The following MICAL3 variants were observed in gnomAD, a reference collection of about 807,000 sequenced individuals.
The protein encoded by MICAL3 is microtubule associated monooxygenase, calponin and LIM domain containing 3, also known as [F-actin]-monooxygenase MICAL3.
In MICAL3, 62 loss-of-function variants were observed where a neutral mutation model predicts 207.4. The ratio of observed to expected loss-of-function variants is 0.30; its 90% CI spans 0.24 to 0.37. MICAL3 has a LOEUF of 0.37. Among genes scored for constraint, MICAL3 ranks in the 10% least tolerant of loss-of-function variants. MICAL3 has a pLI of 1.00. For synonymous variants in MICAL3, 1,077 were observed against 1,069.3 expected, an observed-to-expected ratio of 1.01 and a Z score of -0.14; for missense variants, 2,368 against 2,635.6, an observed-to-expected ratio of 0.90 and a Z score of 2.22.
chr22:17,879,024 T>C lies in MICAL3; in HGVS notation c.2241+6854A>G, dbSNP rs369949926. Reference sequence around the variant, plus strand: ...ATGCTACTACTCTACCACTGGCACATAGTTTGGGGGTAGAAATAGTATGGT... The same window carrying C: ...ATGCTACTACTCTACCACTGGCACACAGTTTGGGGGTAGAAATAGTATGGT... On this transcript the variant is annotated intron_variant, in intron 16 of 31. Coordinates refer to ENST00000441493, the MANE Select transcript of MICAL3 (RefSeq NM_015241.3). Among the ~76,000 whole-genome samples, 6 of 152,248 alleles carry C rather than the reference T, an allele frequency of 3.9e-5. No individual in the cohort carries two copies. The East Asian group carries it at 7.7e-4, about 20-fold the overall frequency.
intron 1 of MICAL3, among the ~76,000 whole-genome samples, chr22:17,914,210 C>T (rs1932326594): frequency 6.6e-6 from 1 of 152,164 alleles, no homozygotes; most frequent in African/African-American, 2.4e-5. Context: ...TTTCTCTGCT[C>T]CATTATCACT....
At chr22:17,980,027 T>C (rs1395046615) in intron 1 of MICAL3, among the ~76,000 whole-genome samples, 1 of 152,110 alleles carries the variant, frequency 6.6e-6, no homozygotes, top group Admixed American at 6.5e-5. Context: ...AGGGGTCTCA[T>C]TATATTGTCC....
rs1443848440 is a variant in MICAL3, at chr22:17,896,901, T to G, written c.1029A>C (p.Ala343=). Reference sequence around the variant, plus strand: ...GCAGCTGCTGCTGGGTAGAGAAGTCTGCCGCCTCCCTGGCATAGCTGAGCA... The same window carrying G: ...GCAGCTGCTGCTGGGTAGAGAAGTCGGCCGCCTCCCTGGCATAGCTGAGCA... The part of the protein sequence containing the change: ...EALLSYAREA[A]DFSTQQQLPS... The change falls in exon 8 of 32, where the codon GCA becomes GCC. Residue 343 remains alanine, a synonymous_variant. Transcript: ENST00000441493. 1 of 1,614,012 alleles carries G rather than the reference T, an allele frequency of 6.2e-7. No individual in the cohort carries two copies. The highest frequency in any genetic ancestry group is 1.3e-5 in the African/African-American group (1 of 75,048).
chr22:17,908,989 C>T (rs1448003591), intron 1 of MICAL3, among the ~76,000 whole-genome samples: 4 of 152,144 alleles, frequency 2.6e-5, no homozygotes, highest in African/African-American at 7.2e-5. Context: ...CACTTCTCTC[C>T]GCACCTCACC....
chr22:17,903,937 T>C (rs1931523491), intron 3 of MICAL3, among the ~76,000 whole-genome samples: 1 of 152,248 alleles, frequency 6.6e-6, no homozygotes, highest in Non-Finnish European at 1.5e-5. Context: ...GCACACTGTC[T>C]GTTCTGAATT....
At chr22:17,861,812 C>T in intron 19 of MICAL3, 6 of 985,200 alleles carry the variant, frequency 6.1e-6, no homozygotes, top group Non-Finnish European at 6.0e-6. Context: ...GTAAACAATG[C>T]CCCCAAACAC....
chr22:17,828,897 CCTTGG>C (rs1922489144), intron 21 of MICAL3, among the ~76,000 whole-genome samples: 1 of 152,170 alleles, frequency 6.6e-6, no homozygotes, highest in Non-Finnish European at 1.5e-5. Context: ...GACAATCTGG[CCTTGG>C]CTTCAGTCAC....
rs553500724 is a variant in MICAL3 at position 17,788,496 on chromosome 22, G to C, written c.*2236C>G. 2 of 152,460 alleles carry C rather than the reference G, an allele frequency of 1.3e-5. No homozygotes were observed. The highest frequency in any genetic ancestry group is 4.8e-5 in the African/African-American group (2 of 41,604). 9.4% of individuals were successfully genotyped at this position (152,460 alleles called of 1,614,324 possible). On this transcript the variant is annotated 3_prime_UTR_variant, in exon 32 of 32. Transcript: ENST00000441493. ...TACAAGGGCCGAAGGCGGCTCTGCC[G>C]GGGCTGGACCGGTTTTGTGGCATTC...
Position 17,790,799 on chromosome 22 carries a change from T to C in MICAL3, c.5942A>G (p.Glu1981Gly), listed in dbSNP as rs1601904287. The C allele has an allele frequency of 3.1e-6, 5 of 1,613,372 alleles. No individual in the cohort carries two copies. The highest frequency in any genetic ancestry group is 2.2e-5 in the East Asian group (1 of 44,852). The change falls in exon 32 of 32, where the codon GAG becomes GGG. Residue 1981 changes from glutamate (E) to glycine (G), a missense_variant. This residue lies in a region of MICAL3 where 1,770 missense variants were observed against 1,863.2 expected (regional missense o/e 0.95). Transcript: ENST00000441493. Reference protein sequence around the residue: ...VALLEEQRLREREEDKDLEAA... With the variant: ...VALLEEQRLRGREEDKDLEAA... ...CTCCAGGTCCTTGTCCTCCTCTCTC[T>C]CCCGGAGCCGCTGCTCCTCCAGCAG...
intron 29 of MICAL3, among the ~76,000 whole-genome samples, chr22:17,806,960 G>A (rs550273610): frequency 1.3e-5 from 2 of 152,320 alleles, no homozygotes; most frequent in East Asian, 3.9e-4. Context: ...TTTACACTCA[G>A]ACTTCACGGA....
intron 22 of MICAL3, chr22:17,826,343 C>T (rs997468370): frequency 3.9e-5 from 22 of 558,044 alleles, no homozygotes; most frequent in Middle Eastern, 8.8e-4. Flanking sequence ...CCGCCTCTGC[C>T]GCCCTGGCAT....
chr22:17,827,775 T>C lies in MICAL3; in HGVS notation c.3062A>G (p.Asn1021Ser), dbSNP rs1052532349. 7 of 1,548,174 alleles carry C rather than the reference T, an allele frequency of 4.5e-6. No individual in the cohort carries two copies. In the Admixed American group the frequency reaches 1.4e-4, roughly 30 times the overall value. Residue 1021 changes from asparagine to serine, a missense_variant, in exon 22 of 32, where the codon AAC becomes AGC. Physicochemically the swap from Asn to Ser is conservative, Grantham distance 46. This residue lies in a region of MICAL3 where 1,770 missense variants were observed against 1,863.2 expected (regional missense o/e 0.95). Coordinates refer to ENST00000441493, the MANE Select transcript of MICAL3 (RefSeq NM_015241.3). Reference sequence around the variant, plus strand: ...GTGCATGACCTGCTGGAGCCTCTGGTTCCCGGCTAGTGTCCCAGGGTCAAG... The same window carrying C: ...GTGCATGACCTGCTGGAGCCTCTGGCTCCCGGCTAGTGTCCCAGGGTCAAG... ...EEEEESSEAG[N>S]QRLQQVMHAA...
intron 11 of MICAL3, among the ~76,000 whole-genome samples, chr22:17,893,497 T>C (rs943823062): frequency 6.6e-6 from 1 of 152,198 alleles, no homozygotes; most frequent in Non-Finnish European, 1.5e-5. Context: ...CCCGCGTCTG[T>C]ACCTGGTTTC....
Position 17,818,919 on chromosome 22 carries a change from C to T in MICAL3, c.3742G>A (p.Val1248Met), listed in dbSNP as rs200946634. The change falls in exon 26 of 32, where the codon GTG becomes ATG. Residue 1248 changes from valine (V) to methionine (M), a missense_variant. Val to Met is a conservative substitution (Grantham distance 21). Transcript: ENST00000441493. ...CTGGGTGGGGGCGTGGAGGCCGCCA[C>T]GGGTGGCTGGGGCTGCGGGCTCCCT... ...SPGSPQPQPP[V>M]AASTPPPSPL... is the part of the protein sequence containing the mutation. The T allele has an allele frequency of 5.0e-5, 79 of 1,570,720 alleles. No homozygotes were observed. The African/African-American group carries it at 5.4e-4, about 11-fold the overall frequency.
At chr22:17,817,227 T>G (rs1601960115) in intron 26 of MICAL3, 84 bp downstream of exon 26, 1 of 1,440,788 alleles carries the variant, frequency 6.9e-7, no homozygotes, top group South Asian at 1.4e-5. Context: ...AGCGTGTGAG[T>G]GTGGATCCTG....
chr22:17,894,011 G>A, intron 10 of MICAL3, 107 bp from the exon 11 acceptor site: 2 of 777,664 alleles, frequency 2.6e-6, no homozygotes, highest in South Asian at 3.1e-5. Context: ...AGAAGGCTGG[G>A]TAAAGTTCAG....
chr22:17,839,054 C>T (rs746587998), intron 20 of MICAL3, among the ~76,000 whole-genome samples: 7 of 150,960 alleles, frequency 4.6e-5, no homozygotes, highest in Non-Finnish European at 1.0e-4. Flanking sequence ...TTCTGCCTCC[C>T]TGGTTCAAGT....
chr22:17,849,689 T>TGTG (rs1925076858), intron 19 of MICAL3, among the ~76,000 whole-genome samples: 10 of 50,632 alleles, frequency 2.0e-4, no homozygotes, highest in Admixed American at 8.0e-4. Context: ...TGTGTGTGTA[T>TGTG]TTTTTTTTTT....
intron 16 of MICAL3, chr22:17,879,199 A>T (rs1200152831): frequency 1.5e-5 from 9 of 618,798 alleles, no homozygotes; most frequent in Non-Finnish European, 1.9e-5. Flanking sequence ...AGCAAAAAGA[A>T]TTCTGGCTCT....
Sources: allele counts gnomAD v4.1 joint callset (sites outside exome capture counted in the v4.1 genomes callset), GRCh38; gene constraint gnomAD v4.1.1; regional missense constraint gnomAD v4.1.1; transcripts MANE v1.5; gene names NCBI Gene and HGNC (gene_info 2026-07-23, HGNC 2026-07-21).